TFB1M: variants seen among roughly 807,000 people sequenced by gnomAD.
TFB1M encodes the protein dimethyladenosine transferase 1, mitochondrial.
Under a neutral mutation model 31.1 loss-of-function variants are expected in TFB1M, and 27 were observed. The ratio of observed to expected loss-of-function variants is 0.87; its 90% confidence interval spans 0.64 to 1.20. The LOEUF (loss-of-function observed/expected upper bound fraction) is 1.20, where lower values mean the gene tolerates loss of function less well. Among genes scored for constraint, TFB1M ranks in the 50% most tolerant of loss-of-function variants. The pLI, the probability that TFB1M is intolerant of heterozygous loss-of-function variation, is 0.00. For synonymous variants in TFB1M, 166 were observed against 151.8 expected (o/e 1.09, Z -0.69); for missense variants, 394 against 418.7 (o/e 0.94, Z 0.51).
intron 3 of TFB1M, among the ~76,000 whole-genome samples, chr6:155,297,365 C>T (rs1011798118): frequency 2.0e-5 from 3 of 151,830 alleles, no homozygotes; most frequent in African/African-American, 7.3e-5. Context: ...CTAGGAAATA[C>T]AGGAAAAAGA....
At chr6:155,309,818 A>G (rs1444945519) in intron 2 of TFB1M, among the ~76,000 whole-genome samples, 1 of 152,196 alleles carries the variant, frequency 6.6e-6, no homozygotes, top group Non-Finnish European at 1.5e-5. Context: ...TCCAACTTAT[A>G]TATAATTCTT....
At position 155,290,388 on chromosome 6, in the gene TFB1M, C is replaced by CA. The variant is rs1189869721; in HGVS notation, c.547-5112dup. Among the ~76,000 whole-genome samples, 168 of 107,484 alleles carry CA rather than the reference C, an allele frequency of 1.6e-3. 3 individuals are homozygous for CA. Among genetic ancestry groups the CA allele is most frequent in the South Asian group, 2.4e-3 (8 of 3,370 alleles). The allele number at this position is 107,484 out of a possible 152,430, so 70.5% of individuals were successfully genotyped here. On this transcript the variant is annotated intron_variant, in intron 4 of 6. Coordinates refer to ENST00000367166, the MANE Select transcript of TFB1M (RefSeq NM_016020.4). ...GTGACAGAGCGGCGAGACTCGGCCTCAAAAAAAAAAAAAAAAAAAAAAGAA... is the reference window on the plus strand; with the variant it reads ...GTGACAGAGCGGCGAGACTCGGCCTCAAAAAAAAAAAAAAAAAAAAAAAGAA...
At chr6:155,275,962 A>T (rs1436022745) in intron 5 of TFB1M, 2 of 1,614,156 alleles carry the variant, frequency 1.2e-6, no homozygotes, top group South Asian at 2.2e-5. Flanking sequence ...AGGCTGCGAG[A>T]GCCACCATGG....
chr6:155,297,037 C>T lies in TFB1M; in HGVS notation c.462G>A (p.Trp154Ter), dbSNP rs1239096514. ...CATCTCTACAGGAAATATTTTCAAG[C>T]CACTTGATAATCAGTGGAGTTGAAA... ...FSVSTPLIIK[W>*]LENISCRDGP... The change falls in exon 4 of 7, where the codon TGG becomes TGA. Residue 154 changes from tryptophan to a stop codon, truncating the protein, a stop_gained. Coordinates refer to ENST00000367166, the MANE Select transcript of TFB1M (RefSeq NM_016020.4). LOFTEE classifies it high-confidence loss of function. 1 of 1,613,436 alleles carries T rather than the reference C, an allele frequency of 6.2e-7. No individual in the cohort carries two copies. The highest frequency in any genetic ancestry group is 2.2e-5 in the East Asian group (1 of 44,852).
At chr6:155,253,040 G>A, downstream of TFB1M, 1 of 1,613,964 alleles carries the variant, frequency 6.2e-7, no homozygotes, top group Non-Finnish European at 8.5e-7. Context: ...AAGTCAGACT[G>A]GGGAATCCAG....
At chr6:155,301,519 C>A (rs942510907) in intron 2 of TFB1M, among the ~76,000 whole-genome samples, 4 of 152,224 alleles carry the variant, frequency 2.6e-5, no homozygotes, top group African/African-American at 9.7e-5. Context: ...TGGAGCATTA[C>A]ACTTCAAAAC....
At chr6:155,314,156 C>T (rs1778145244) in intron 1 of TFB1M, 140 bp downstream of exon 1, 1 of 1,447,068 alleles carries the variant, frequency 6.9e-7, no homozygotes. Flanking sequence ...AGTTCTGATA[C>T]AAAGAGGTCG....
chr6:155,253,782 A>G (rs964065954), downstream of TFB1M: 14 of 519,864 alleles, frequency 2.7e-5, no homozygotes, highest in Non-Finnish European at 4.4e-5. Flanking sequence ...AGGAAATGTA[A>G]AAAGTAACCA....
chr6:155,260,160 A>G lies in TFB1M; in HGVS notation c.794+113T>C, dbSNP rs374878438. 1,492 of 1,215,444 alleles carry G rather than the reference A, an allele frequency of 1.2e-3. 34 individuals are homozygous for G. In the South Asian group the frequency reaches 0.018, roughly 14 times the overall value. 75.3% of individuals were successfully genotyped at this position (1,215,444 alleles called of 1,614,324 possible). On this transcript the variant is annotated intron_variant, in intron 6 of 6. Coordinates refer to ENST00000367166, the MANE Select transcript of TFB1M (RefSeq NM_016020.4). ...GAAGTCTTGTCCGTCACAGGCCTGA[A>G]CTAAGTGTAATACTCAGAGCTTTAA...
the TFB1M span, chr6:155,247,964 G>A: frequency 1.9e-6 from 3 of 1,599,218 alleles, no homozygotes; most frequent in Non-Finnish European, 2.6e-6. Flanking sequence ...TCACCCCACT[G>A]TGCTCTTCTG....
chr6:155,289,271 G>A (rs1776797855), intron 4 of TFB1M, among the ~76,000 whole-genome samples: 1 of 152,076 alleles, frequency 6.6e-6, no homozygotes, highest in African/African-American at 2.4e-5. Context: ...GCTGATGCTG[G>A]ACCCAGAAAG....
chr6:155,280,427 G>A (rs181169310), intron 5 of TFB1M, among the ~76,000 whole-genome samples: 9 of 152,326 alleles, frequency 5.9e-5, no homozygotes, highest in Admixed American at 2.6e-4. Flanking sequence ...GACGCGTGGG[G>A]CAATTTGTGC....
chr6:155,260,208 ACT>A lies in TFB1M; in HGVS notation c.794+63_794+64del. 2.6e-6 allele frequency: 4 copies of A among 1,564,708 alleles called. No individual in the cohort carries two copies. In the South Asian group the frequency reaches 4.5e-5, roughly 17 times the overall value. ...TAAGAATAGAGCAAACAAGGTTCTC[ACT>A]CTTAAAAAGTGCCTGAGGATTTTAT... On this transcript the variant is annotated intron_variant, in intron 6 of 6. Coordinates refer to ENST00000367166, the MANE Select transcript of TFB1M (RefSeq NM_016020.4).
the TFB1M span, among the ~76,000 whole-genome samples, chr6:155,234,993 GCA>G: frequency 1.9e-3 from 228 of 118,294 alleles, 1 homozygote; most frequent in Non-Finnish European, 2.6e-3. Context: ...TAGAGACGGA[GCA>G]CAGCTAGAGA....
downstream of TFB1M, chr6:155,253,719 G>A (rs1288882291): frequency 1.0e-5 from 4 of 384,562 alleles, no homozygotes; most frequent in East Asian, 1.3e-4. Context: ...CTTCCCCAGA[G>A]AGGGGCTCCA....
chr6:155,308,126 A>G (rs766917920), intron 2 of TFB1M, among the ~76,000 whole-genome samples: 3 of 152,196 alleles, frequency 2.0e-5, no homozygotes, highest in Non-Finnish European at 1.5e-5. Flanking sequence ...ACTCCTCTCC[A>G]CAGCACAGAG....
intron 5 of TFB1M, among the ~76,000 whole-genome samples, chr6:155,261,674 C>A (rs1397507594): frequency 6.6e-6 from 1 of 152,176 alleles, no homozygotes; most frequent in African/African-American, 2.4e-5. Context: ...AGAGCTTGCA[C>A]CTCCCTATTT....
At chr6:155,279,213 C>CT (rs11400763) in intron 5 of TFB1M, among the ~76,000 whole-genome samples, 102,119 of 147,744 alleles carry the variant, frequency 0.69, 35,210 homozygotes, top group East Asian at 0.94. Context: ...AAATATCATA[C>CT]TTTTTTTTTT....
intron 2 of TFB1M, among the ~76,000 whole-genome samples, chr6:155,304,666 T>G (rs929707941): frequency 2.0e-5 from 3 of 151,970 alleles, no homozygotes; most frequent in East Asian, 1.9e-4. Flanking sequence ...AAGGTAAGGA[T>G]GAAAAAAGAT....
Sources: allele counts gnomAD v4.1 joint callset (sites outside exome capture counted in the v4.1 genomes callset), GRCh38; gene constraint gnomAD v4.1.1; transcripts MANE v1.5; gene names NCBI Gene and HGNC (gene_info 2026-07-23, HGNC 2026-07-21).